The following DGKH variants were observed in gnomAD, a reference collection of about 807,000 sequenced individuals.
The protein encoded by DGKH is diacylglycerol kinase eta, also known as DAG kinase eta.
Under a neutral mutation model 159.3 loss-of-function variants are expected in DGKH, and 90 were observed. That is an observed-to-expected ratio of 0.57 (90% CI 0.48 to 0.67). DGKH has a LOEUF of 0.67. Among genes scored for constraint, DGKH ranks in the 30% least tolerant of loss-of-function variants. The pLI is 0.00. For synonymous variants in DGKH, 536 were observed against 553.8 expected, an observed-to-expected ratio of 0.97 and a Z score of 0.45; for missense variants, 1,181 against 1,506.1, an observed-to-expected ratio of 0.78 and a Z score of 3.57.
intron 3 of DGKH, among the ~76,000 whole-genome samples, chr13:42,154,564 T>TC (rs1366915696): frequency 6.6e-6 from 1 of 152,176 alleles, no homozygotes; most frequent in South Asian, 2.1e-4. Context: ...ATTCTTTCCT[T>TC]CCCTAAAGCC....
rs1958522640 is a variant in DGKH at position 42,241,994 on chromosome 13, C to T, written c.*12806C>T. 6.6e-6 allele frequency: 1 copy of T among 152,186 alleles called. No homozygotes were observed. Among genetic ancestry groups the T allele is most frequent in the African/African-American group, 2.4e-5 (1 of 41,438 alleles). 9.4% of individuals were successfully genotyped at this position (152,186 alleles called of 1,614,324 possible). A position where few individuals can be genotyped will look rare whatever the true frequency, so the allele number is the denominator to read the frequency against. ...CAGTTTGATAGGCATATTTTGAAGT[C>T]ATTGTTTTCCATCAGTATTAAGTAT... On this transcript the variant is annotated 3_prime_UTR_variant, in exon 30 of 30. Transcript: ENST00000337343.
At chr13:42,245,751 A>G (rs1427627293), downstream of DGKH, among the ~76,000 whole-genome samples, 1 of 151,858 alleles carries the variant, frequency 6.6e-6, no homozygotes, top group Admixed American at 6.6e-5. Context: ...ACACCTGGCT[A>G]ATTTTTTAAT....
chr13:42,128,894 C>T (rs968264151), intron 2 of DGKH, among the ~76,000 whole-genome samples: 2 of 152,200 alleles, frequency 1.3e-5, no homozygotes, highest in Non-Finnish European at 2.9e-5. Flanking sequence ...CTAGTTTCCG[C>T]AGTTCTTGCG....
chr13:42,124,557 C>A (rs111737776), intron 1 of DGKH, among the ~76,000 whole-genome samples: 13 of 152,010 alleles, frequency 8.6e-5, no homozygotes, highest in African/African-American at 3.1e-4. Flanking sequence ...ACTTGGGGAC[C>A]TTTTAATTCC....
chr13:42,087,252 G>A (rs1566093970), intron 1 of DGKH, among the ~76,000 whole-genome samples: 1 of 152,140 alleles, frequency 6.6e-6, no homozygotes, highest in Non-Finnish European at 1.5e-5. Context: ...AGTAAAGGCT[G>A]CTCTGGACAT....
At position 42,231,379 on chromosome 13, in the gene DGKH, G is replaced by C. The variant is rs1212538689; in HGVS notation, c.*2191G>C. Reference sequence around the variant, plus strand: ...CTCAATCTCAAAAAAAAATAGTCATGAATTATGCAATTATTCTAATTGTAT... The same window carrying C: ...CTCAATCTCAAAAAAAAATAGTCATCAATTATGCAATTATTCTAATTGTAT... On this transcript the variant is annotated 3_prime_UTR_variant, in exon 30 of 30. Transcript: ENST00000337343. 1 of 152,040 alleles carries C rather than the reference G, an allele frequency of 6.6e-6. No individual in the cohort carries two copies. The highest frequency in any genetic ancestry group is 1.5e-5 in the Non-Finnish European group (1 of 68,034). The allele number at this position is 152,040 out of a possible 1,614,324, so 9.4% of individuals were successfully genotyped here.
chr13:42,179,421 T>C (rs561232020), intron 13 of DGKH, among the ~76,000 whole-genome samples: 4 of 152,358 alleles, frequency 2.6e-5, no homozygotes. Context: ...TAATTCTATC[T>C]AATTTATTAA....
At chr13:42,218,238 A>G (rs1430893011) in intron 26 of DGKH, among the ~76,000 whole-genome samples, 1 of 152,192 alleles carries the variant, frequency 6.6e-6, no homozygotes, top group Non-Finnish European at 1.5e-5. Flanking sequence ...GCATTTTAAT[A>G]CCTGCTTTCA....
In DGKH at chr13:42,230,684, G is replaced by A. The variant is rs1295798510; in HGVS notation, c.*1496G>A. On this transcript the variant is annotated 3_prime_UTR_variant, in exon 30 of 30. Coordinates refer to ENST00000337343, the MANE Select transcript of DGKH (RefSeq NM_178009.5). ...CAGATATATACATATACACATATATGTGTATATATACATACATACACATAT... is the reference window on the plus strand; with the variant it reads ...CAGATATATACATATACACATATATATGTATATATACATACATACACATAT... The A allele has an allele frequency of 2.0e-5, 3 of 151,758 alleles. No homozygotes were observed. The highest frequency in any genetic ancestry group is 4.4e-5 in the Non-Finnish European group (3 of 67,948). 9.4% of individuals were successfully genotyped at this position (151,758 alleles called of 1,614,324 possible).
At chr13:42,222,753 G>A (rs1376636758) in intron 29 of DGKH, among the ~76,000 whole-genome samples, 1 of 152,098 alleles carries the variant, frequency 6.6e-6, no homozygotes, top group Non-Finnish European at 1.5e-5. Context: ...CTGTGAATAA[G>A]CATACATTCA....
Position 42,219,599 on chromosome 13 carries a change from C to G in DGKH, c.3334-87C>G. The G allele has an allele frequency of 2.2e-6, 3 of 1,338,184 alleles. No homozygotes were observed. The South Asian group carries it at 4.2e-5, about 19-fold the overall frequency. The allele number at this position is 1,338,184 out of a possible 1,614,324, so 82.9% of individuals were successfully genotyped here. A position where few individuals can be genotyped will look rare whatever the true frequency, so the allele number is the denominator to read the frequency against. On this transcript the variant is annotated intron_variant, in intron 27 of 29. Transcript: ENST00000337343. ...GTTCTATAATGTTTAGTGTTTATAA[C>G]TTATTCCTGTGTTATCCCTATTATC...
intron 3 of DGKH, 24 bp downstream of exon 3, chr13:42,129,656 C>G (rs778136355): frequency 6.3e-7 from 1 of 1,598,306 alleles, no homozygotes; most frequent in East Asian, 2.2e-5. Context: ...CTGCTAACTC[C>G]CTTCTCAAAA....
chr13:42,186,997 G>C, intron 13 of DGKH, 52 bp from the exon 14 acceptor site: 1 of 1,461,404 alleles, frequency 6.8e-7, no homozygotes, highest in South Asian at 1.2e-5. Flanking sequence ...CATAAATCAA[G>C]GCAAATTAAT....
chr13:42,223,897 C>T (rs1958050878), intron 29 of DGKH, among the ~76,000 whole-genome samples: 1 of 152,064 alleles, frequency 6.6e-6, no homozygotes, highest in Admixed American at 6.5e-5. Context: ...CCACTCCCTC[C>T]CACTCCCTTA....
intron 13 of DGKH, among the ~76,000 whole-genome samples, chr13:42,182,890 G>C (rs960777221): frequency 2.1e-5 from 3 of 142,092 alleles, no homozygotes; most frequent in Non-Finnish European, 4.6e-5. Context: ...AACCTTGTCT[G>C]AATTTTGACA....
At chr13:42,180,914 G>A (rs1489503468) in intron 13 of DGKH, among the ~76,000 whole-genome samples, 2 of 152,048 alleles carry the variant, frequency 1.3e-5, no homozygotes, top group Non-Finnish European at 2.9e-5. Flanking sequence ...ACAACAGCTG[G>A]TTTAAGGAGG....
At chr13:42,141,234 A>T (rs1955550833) in intron 3 of DGKH, among the ~76,000 whole-genome samples, 1 of 151,638 alleles carries the variant, frequency 6.6e-6, no homozygotes, top group Admixed American at 6.6e-5. Flanking sequence ...ACATGAACTC[A>T]TCATTTTTTA....
intron 1 of DGKH, among the ~76,000 whole-genome samples, chr13:42,088,454 T>G (rs1029089066): frequency 2.0e-5 from 3 of 152,136 alleles, no homozygotes; most frequent in African/African-American, 7.2e-5. Context: ...GCTTATAAAC[T>G]TGTGAAATAG....
At chr13:42,253,701 C>A (rs1958636299) in intron 30 of DGKH, among the ~76,000 whole-genome samples, 1 of 152,158 alleles carries the variant, frequency 6.6e-6, no homozygotes, top group South Asian at 2.1e-4. Context: ...GTGGTAAATG[C>A]CTTCAGATAA....
Sources: gnomAD v4.1 joint callset for allele counts (sites outside exome capture counted in the v4.1 genomes callset) on GRCh38, gnomAD v4.1.1 for gene constraint, MANE v1.5 for transcripts, NCBI Gene and HGNC (gene_info 2026-07-23, HGNC 2026-07-21) for gene names.